The following MFSD11 variants were observed in gnomAD, a reference collection of about 807,000 sequenced individuals.
MFSD11 encodes UNC93-like protein MFSD11.
In MFSD11, 36 loss-of-function variants were observed where a neutral mutation model predicts 53.5. The observed-to-expected ratio is 0.67, with a 90% CI of 0.52 to 0.89. The LOEUF is 0.89. MFSD11 is among the 40% of genes least tolerant of loss of function. MFSD11 has a pLI of 0.00. For synonymous variants in MFSD11, 186 were observed against 184.9 expected, an observed-to-expected ratio of 1.01 and a Z score of -0.05; for missense variants, 530 against 543.9, an observed-to-expected ratio of 0.97 and a Z score of 0.25.
intron 8 of MFSD11, 153 bp downstream of exon 8, chr17:76,754,240 A>G (rs2079350495): frequency 1.6e-6 from 1 of 608,130 alleles, no homozygotes; most frequent in African/African-American, 1.9e-5. Context: ...CTTCCTTATC[A>G]ACATCTCTCT....
intron 8 of MFSD11, among the ~76,000 whole-genome samples, chr17:76,755,780 G>GTATACA (rs1324156634): frequency 8.3e-4 from 56 of 67,790 alleles, no homozygotes; most frequent in South Asian, 1.5e-3. Flanking sequence ...GTGTGTGTGT[G>GTATACA]TGTGTGTATA....
In MFSD11 at chr17:76,779,302, T is replaced by A. The variant is rs1412802079; in HGVS notation, c.*950T>A. 1.3e-5 allele frequency: 2 copies of A among 151,058 alleles called. No individual in the cohort carries two copies. Among genetic ancestry groups the A allele is most frequent in the Non-Finnish European group, 3.0e-5 (2 of 67,796 alleles). 9.4% of individuals were successfully genotyped at this position (151,058 alleles called of 1,614,324 possible). A position where few individuals can be genotyped will look rare whatever the true frequency, so the allele number is the denominator to read the frequency against. ...AAAGAAAATAATAATGATAATTTTT[T>A]AAAATAATGAAAAATAAATAACAAG... On this transcript the variant is annotated 3_prime_UTR_variant, in exon 13 of 13. Coordinates refer to ENST00000685175, the MANE Select transcript of MFSD11 (RefSeq NM_001242532.5).
chr17:76,794,706 G>GT, the MFSD11 span, among the ~76,000 whole-genome samples: 5,636 of 15,958 alleles, frequency 0.35, 1,201 homozygotes, highest in East Asian at 0.64. Context: ...TTTTTTTTTT[G>GT]TTTTGAGATG....
chr17:76,787,014 G>T, the MFSD11 span, among the ~76,000 whole-genome samples: 1 of 151,740 alleles, frequency 6.6e-6, no homozygotes, highest in Non-Finnish European at 1.5e-5. Context: ...GGGGTTTCAT[G>T]CAGGCTTTGT....
chr17:76,739,276 A>T (rs1165050168), intron 2 of MFSD11, among the ~76,000 whole-genome samples: 12 of 151,998 alleles, frequency 7.9e-5, no homozygotes, highest in Admixed American at 1.3e-4. Context: ...CAATGCATGT[A>T]AAGCACTTGG....
At chr17:76,750,396 TCTCA>T (rs912622314) in intron 7 of MFSD11, among the ~76,000 whole-genome samples, 20 of 139,346 alleles carry the variant, frequency 1.4e-4, no homozygotes, top group Non-Finnish European at 2.4e-4. Context: ...TGAGACAGAG[TCTCA>T]CTCTGTCGCC....
chr17:76,739,530 T>C (rs778675091), intron 2 of MFSD11, among the ~76,000 whole-genome samples: 1 of 152,252 alleles, frequency 6.6e-6, no homozygotes, highest in Non-Finnish European at 1.5e-5. Flanking sequence ...GAGAATGTAA[T>C]ATGTACAGGT....
At chr17:76,780,767 G>A (rs1166888234), downstream of MFSD11, among the ~76,000 whole-genome samples, 1 of 152,126 alleles carries the variant, frequency 6.6e-6, no homozygotes, top group East Asian at 1.9e-4. Context: ...GCCTGCCTCA[G>A]CCTCCCAAAG....
downstream of MFSD11, among the ~76,000 whole-genome samples, chr17:76,784,035 A>C (rs1222653016): frequency 6.6e-6 from 1 of 152,170 alleles, no homozygotes; most frequent in Non-Finnish European, 1.5e-5. Flanking sequence ...TGTGTGTGGA[A>C]ATGTACAATG....
At chr17:76,778,078 A>G (rs1287749849) in intron 12 of MFSD11, 110 bp from the exon 13 acceptor site, 1 of 990,270 alleles carries the variant, frequency 1.0e-6, no homozygotes, top group East Asian at 2.4e-5. Flanking sequence ...AATAGAAAGC[A>G]CTGTGAGTTC....
chr17:76,764,122 G>C (rs1191968399), intron 8 of MFSD11, among the ~76,000 whole-genome samples: 1 of 152,148 alleles, frequency 6.6e-6, no homozygotes, highest in African/African-American at 2.4e-5. Flanking sequence ...GCCTCCCGAA[G>C]TGCTGGGATT....
intron 8 of MFSD11, among the ~76,000 whole-genome samples, chr17:76,755,813 T>TATATA (rs1491559378): frequency 4.6e-4 from 7 of 15,056 alleles, no homozygotes; most frequent in African/African-American, 9.8e-4. Context: ...TATATATATA[T>TATATA]TTTTTTTTTT....
chr17:76,764,028 A>C (rs1005163769), intron 8 of MFSD11, among the ~76,000 whole-genome samples: 1 of 151,858 alleles, frequency 6.6e-6, no homozygotes, highest in Non-Finnish European at 1.5e-5. Context: ...ATGCCCAGCT[A>C]ATTTTTTTGT....
chr17:76,737,976 G>A, upstream of MFSD11: 1 of 274,142 alleles, frequency 3.6e-6, no homozygotes, highest in Non-Finnish European at 6.8e-6. Context: ...GCTGCGGTCA[G>A]GTGACCCGGT....
chr17:76,765,534 C>T (rs2080770484), intron 8 of MFSD11, among the ~76,000 whole-genome samples: 1 of 139,734 alleles, frequency 7.2e-6, no homozygotes, highest in Non-Finnish European at 1.5e-5. Flanking sequence ...TTGATCAGAG[C>T]TCACTGCAGC....
intron 8 of MFSD11, among the ~76,000 whole-genome samples, chr17:76,761,570 A>T (rs959945317): frequency 2.0e-5 from 3 of 152,230 alleles, no homozygotes; most frequent in Admixed American, 6.5e-5. Flanking sequence ...AAATACATAG[A>T]AAAAGACTGG....
At chr17:76,757,616 T>C (rs1598625682) in intron 8 of MFSD11, among the ~76,000 whole-genome samples, 1 of 152,360 alleles carries the variant, frequency 6.6e-6, no homozygotes, top group East Asian at 1.9e-4. Flanking sequence ...TTTAGTGTGC[T>C]TCTAAAATAT....
intron 8 of MFSD11, among the ~76,000 whole-genome samples, chr17:76,755,812 A>ATATATATATT (rs1555669398): frequency 5.1e-5 from 1 of 19,516 alleles, no homozygotes; most frequent in East Asian, 2.3e-3. Context: ...ATATATATAT[A>ATATATATATT]TTTTTTTTTT....
the MFSD11 span, among the ~76,000 whole-genome samples, chr17:76,794,348 G>A: frequency 4.6e-5 from 7 of 150,824 alleles, no homozygotes; most frequent in South Asian, 4.2e-4. Flanking sequence ...GTGGTGGAGC[G>A]CACCTGTAAT....
Sources: gnomAD v4.1 joint callset for allele counts (sites outside exome capture counted in the v4.1 genomes callset) on GRCh38, gnomAD v4.1.1 for gene constraint, MANE v1.5 for transcripts, NCBI Gene and HGNC (gene_info 2026-07-23, HGNC 2026-07-21) for gene names.